Variants in UGT1A10 observed in about 807,000 individuals in gnomAD.
UGT1A10 encodes the protein UDP glucuronosyltransferase family 1 member A10.
In UGT1A10, 49 loss-of-function variants were observed where a neutral mutation model predicts 45.8. The ratio of observed to expected loss-of-function variants is 1.07; its 90% CI spans 0.85 to 1.36. UGT1A10 has a LOEUF of 1.36. Among genes scored for constraint, UGT1A10 ranks in the 40% most tolerant of loss-of-function variants. The pLI is 0.00. For missense variants in UGT1A10, 745 were observed against 668.6 expected, an observed-to-expected ratio of 1.11 and a Z score of -1.26; for synonymous variants, 284 against 249.7, an observed-to-expected ratio of 1.14 and a Z score of -1.29.
At chr2:233,654,379 A>T (rs574270361) in intron 1 of UGT1A10, among the ~76,000 whole-genome samples, 3 of 152,258 alleles carry the variant, frequency 2.0e-5, no homozygotes, top group Admixed American at 2.0e-4. Context: ...CAGGATTGTG[A>T]TCCAAACCCT....
chr2:233,725,967 A>G (rs2077486962), intron 1 of UGT1A10, among the ~76,000 whole-genome samples: 1 of 152,078 alleles, frequency 6.6e-6, no homozygotes, highest in Non-Finnish European at 1.5e-5. Flanking sequence ...GGAGTCTGAG[A>G]GCAGCCTGGG....
intron 1 of UGT1A10, among the ~76,000 whole-genome samples, chr2:233,701,108 C>T (rs1258266340): frequency 1.3e-5 from 2 of 152,114 alleles, no homozygotes; most frequent in African/African-American, 4.8e-5. Flanking sequence ...TTTTCTTAAT[C>T]CAGTCTATCA....
At chr2:233,640,413 A>T (rs1253320908) in intron 1 of UGT1A10, among the ~76,000 whole-genome samples, 1 of 152,078 alleles carries the variant, frequency 6.6e-6, no homozygotes, top group Non-Finnish European at 1.5e-5. Context: ...AATAAGTAAA[A>T]TTTGTTACAC....
intron 1 of UGT1A10, among the ~76,000 whole-genome samples, chr2:233,704,992 C>T (rs970077925): frequency 2.6e-5 from 4 of 151,900 alleles, no homozygotes; most frequent in South Asian, 4.1e-4. Context: ...AGAAATTAGC[C>T]GGGTATGGTG....
chr2:233,758,436 A>T (rs532506840), intron 1 of UGT1A10, among the ~76,000 whole-genome samples: 9 of 152,370 alleles, frequency 5.9e-5, no homozygotes, highest in African/African-American at 1.9e-4. Context: ...CTCACACAGC[A>T]TTGGGACTTT....
At chr2:233,658,051 C>T (rs1159846435) in intron 1 of UGT1A10, among the ~76,000 whole-genome samples, 5 of 145,648 alleles carry the variant, frequency 3.4e-5, no homozygotes, top group Non-Finnish European at 7.4e-5. Flanking sequence ...CAAAGTGTCA[C>T]TCTGTCACCC....
At chr2:233,651,499 T>A (rs2073740879) in intron 1 of UGT1A10, among the ~76,000 whole-genome samples, 1 of 152,194 alleles carries the variant, frequency 6.6e-6, no homozygotes, top group South Asian at 2.1e-4. Flanking sequence ...AAAGTTATAT[T>A]TTTTGCATAT....
At chr2:233,741,101 A>C (rs559824040) in intron 1 of UGT1A10, among the ~76,000 whole-genome samples, 9 of 151,948 alleles carry the variant, frequency 5.9e-5, no homozygotes, top group Non-Finnish European at 8.8e-5. Context: ...GCAAACAGAC[A>C]ATCAAGCTTT....
At chr2:233,724,928 A>C (rs2125707606) in intron 1 of UGT1A10, among the ~76,000 whole-genome samples, 1 of 142,602 alleles carries the variant, frequency 7.0e-6, no homozygotes, top group South Asian at 2.5e-4. Context: ...TGAGTGAACG[A>C]GACTCCGTCT....
In UGT1A10 at chr2:233,755,391, C is replaced by G. The variant is rs115647781; in HGVS notation, c.856-11643C>G. 7.3e-3 allele frequency: 2,499 copies of G among 343,022 alleles called. 14 individuals carry two copies. The highest frequency in any genetic ancestry group is 0.01 in the Non-Finnish European group (1,783 of 176,380). 21.2% of individuals were successfully genotyped at this position (343,022 alleles called of 1,614,324 possible). A position where few individuals can be genotyped will look rare whatever the true frequency, so the allele number is the denominator to read the frequency against. On this transcript the variant is annotated intron_variant, in intron 1 of 4. Coordinates refer to ENST00000344644, the MANE Select transcript of UGT1A10 (RefSeq NM_019075.4). ...TGGAGGGCCGCCCCTTATGACGCAGCCACATCTCATTGGCCGAGGCCTGTG... is the reference window on the plus strand; with the variant it reads ...TGGAGGGCCGCCCCTTATGACGCAGGCACATCTCATTGGCCGAGGCCTGTG...
At chr2:233,679,112 A>T (rs1384013743) in intron 1 of UGT1A10, among the ~76,000 whole-genome samples, 1 of 152,184 alleles carries the variant, frequency 6.6e-6, no homozygotes, top group Non-Finnish European at 1.5e-5. Flanking sequence ...TGAGTTCTAA[A>T]TTTCCTTAAG....
chr2:233,712,855 A>T lies in UGT1A10; in HGVS notation c.856-54179A>T. ...ATTATAGATTAACGGGTAATAAGTAACTGGAGGAGGGCACTCTGTCTTCAA... is the reference window on the plus strand; with the variant it reads ...ATTATAGATTAACGGGTAATAAGTATCTGGAGGAGGGCACTCTGTCTTCAA... On this transcript the variant is annotated intron_variant, in intron 1 of 4. Coordinates refer to ENST00000344644, the MANE Select transcript of UGT1A10 (RefSeq NM_019075.4). The T allele has an allele frequency of 4.5e-6, 7 of 1,553,020 alleles. No individual in the cohort carries two copies. In the South Asian group the frequency reaches 8.4e-5, roughly 19 times the overall value.
intron 1 of UGT1A10, among the ~76,000 whole-genome samples, chr2:233,751,173 T>C (rs1694658856): frequency 6.6e-6 from 1 of 151,974 alleles, no homozygotes; most frequent in Non-Finnish European, 1.5e-5. Context: ...GACCTAGATA[T>C]GAGACATGAA....
intron 1 of UGT1A10, among the ~76,000 whole-genome samples, chr2:233,646,668 T>A (rs2073611603): frequency 6.6e-6 from 1 of 152,136 alleles, no homozygotes. Flanking sequence ...TCCCAACGAG[T>A]TCCTCATCTC....
intron 1 of UGT1A10, among the ~76,000 whole-genome samples, chr2:233,746,318 T>A (rs1693357703): frequency 6.6e-6 from 1 of 151,812 alleles, no homozygotes; most frequent in Non-Finnish European, 1.5e-5. Context: ...GCCCTGTAGA[T>A]GATCTACAGG....
chr2:233,733,427 A>G (rs1444261298), intron 1 of UGT1A10, among the ~76,000 whole-genome samples: 1 of 152,208 alleles, frequency 6.6e-6, no homozygotes, highest in Non-Finnish European at 1.5e-5. Context: ...CCTACTCAGT[A>G]TGATATTGGC....
At position 233,637,352 on chromosome 2, in the gene UGT1A10, G is replaced by A. The variant is rs201411879; in HGVS notation, c.830G>A (p.Cys277Tyr). 9.0e-4 allele frequency: 1,459 copies of A among 1,613,632 alleles called. 21 individuals are homozygous for A. The South Asian group carries it at 0.015, about 17-fold the overall frequency. Residue 277 changes from cysteine to tyrosine, a missense_variant, in exon 1 of 5, where the codon TGT becomes TAT. Cys to Tyr is a radical substitution (Grantham distance 194). Transcript: ENST00000344644. Reference protein sequence around the residue: ...PNMIFIGGINCHQGKPLPMEF... With the variant: ...PNMIFIGGINYHQGKPLPMEF... ...ATGATCTTCATTGGTGGTATCAACT[G>A]TCATCAGGGAAAGCCATTGCCTATG... is the stretch of plus-strand genomic sequence containing the variant.
At chr2:233,663,024 A>G (rs1264403532) in intron 1 of UGT1A10, among the ~76,000 whole-genome samples, 1 of 152,186 alleles carries the variant, frequency 6.6e-6, no homozygotes, top group East Asian at 1.9e-4. Flanking sequence ...TTAGGTGCAC[A>G]GTTCAGTATC....
chr2:233,750,088 A>G (rs1694357041), intron 1 of UGT1A10, among the ~76,000 whole-genome samples: 1 of 151,928 alleles, frequency 6.6e-6, no homozygotes, highest in South Asian at 2.1e-4. Context: ...AGGTTGGAAC[A>G]GTTTGGAGAG....
Sources: gnomAD v4.1 joint callset for allele counts (sites outside exome capture counted in the v4.1 genomes callset) on GRCh38, gnomAD v4.1.1 for gene constraint, MANE v1.5 for transcripts, NCBI Gene and HGNC (gene_info 2026-07-23, HGNC 2026-07-21) for gene names.